ARHGEF28: variants seen among roughly 807,000 people sequenced by gnomAD.
ARHGEF28 encodes the protein Rho guanine nucleotide exchange factor 28.
Under a neutral mutation model 206.6 loss-of-function variants are expected in ARHGEF28, and 152 were observed. That is an observed-to-expected ratio of 0.74 (90% CI 0.64 to 0.84). The LOEUF is 0.84. ARHGEF28 is among the 40% of genes least tolerant of loss of function. ARHGEF28 has a pLI of 0.00. For missense variants in ARHGEF28, 2,028 were observed against 2,073.2 expected, an observed-to-expected ratio of 0.98 and a Z score of 0.42; for synonymous variants, 763 against 776.4, an observed-to-expected ratio of 0.98 and a Z score of 0.29.
chr5:73,648,911 C>T (rs1001738761), intron 1 of ARHGEF28, among the ~76,000 whole-genome samples: 16 of 152,282 alleles, frequency 1.1e-4, no homozygotes, highest in African/African-American at 3.9e-4. Context: ...GTTGGCCAAC[C>T]TCTGGGGAGT....
intron 10 of ARHGEF28, among the ~76,000 whole-genome samples, chr5:73,837,061 A>G (rs544226925): frequency 2.0e-4 from 31 of 152,234 alleles, no homozygotes; most frequent in Admixed American, 1.9e-3. Flanking sequence ...TTTGATTACC[A>G]TATCTTTGTA....
At chr5:73,810,469 C>T (rs1755778301) in intron 9 of ARHGEF28, among the ~76,000 whole-genome samples, 1 of 152,094 alleles carries the variant, frequency 6.6e-6, no homozygotes, top group South Asian at 2.1e-4. Context: ...TTTCATCTCT[C>T]TCTTTGTCTA....
intron 35 of ARHGEF28, among the ~76,000 whole-genome samples, chr5:73,920,545 G>GTTTTTT (rs756699052): frequency 2.0e-4 from 22 of 110,526 alleles, no homozygotes; most frequent in Non-Finnish European, 3.0e-4. Flanking sequence ...CGTCATCTAG[G>GTTTTTT]TTTTTTTTTT....
At chr5:73,661,268 G>A (rs1441678429) in intron 1 of ARHGEF28, among the ~76,000 whole-genome samples, 1 of 152,110 alleles carries the variant, frequency 6.6e-6, no homozygotes, top group South Asian at 2.1e-4. Context: ...TTCTTTTGCA[G>A]CTTCTTTACC....
At chr5:73,834,182 A>G (rs1483096102) in intron 10 of ARHGEF28, among the ~76,000 whole-genome samples, 1 of 152,216 alleles carries the variant, frequency 6.6e-6, no homozygotes, top group Non-Finnish European at 1.5e-5. Context: ...ATCATCTCAC[A>G]TATTTATTTT....
At chr5:73,639,376 CTT>C (rs1743931477) in intron 1 of ARHGEF28, among the ~76,000 whole-genome samples, 1 of 151,274 alleles carries the variant, frequency 6.6e-6, no homozygotes, top group African/African-American at 2.4e-5. Flanking sequence ...AGCTCAGTAA[CTT>C]GTGCAGCTGT....
Position 73,685,780 on chromosome 5 carries a change from G to A in ARHGEF28, c.33+896G>A, listed in dbSNP as rs143419243. On this transcript the variant is annotated intron_variant, in intron 2 of 35. Coordinates refer to ENST00000513042, the MANE Select transcript of ARHGEF28 (RefSeq NM_001177693.2). ...TGGGATTACAGGCACATGCCACCACGCCTGGCTAATTTTTTGTATTTTAGT... is the reference window on the plus strand; with the variant it reads ...TGGGATTACAGGCACATGCCACCACACCTGGCTAATTTTTTGTATTTTAGT... 7.4e-3 allele frequency among the ~76,000 whole-genome samples: 1,117 copies of A among 151,802 alleles called. 9 individuals carry two copies. Among genetic ancestry groups the A allele is most frequent in the African/African-American group, 0.025 (1,022 of 41,394 alleles).
intron 2 of ARHGEF28, among the ~76,000 whole-genome samples, chr5:73,710,835 T>A (rs948086296): frequency 7.4e-4 from 113 of 152,250 alleles, no homozygotes; most frequent in African/African-American, 2.4e-3. Context: ...CCCAAGTAGC[T>A]AGGACTACAG....
chr5:73,679,716 C>A (rs1028288541), intron 1 of ARHGEF28, among the ~76,000 whole-genome samples: 1 of 151,370 alleles, frequency 6.6e-6, no homozygotes, highest in East Asian at 1.9e-4. Context: ...GAAAGTATTA[C>A]TTTTTTCTTG....
chr5:73,925,321 C>T (rs191848832), intron 35 of ARHGEF28, among the ~76,000 whole-genome samples: 17 of 152,248 alleles, frequency 1.1e-4, no homozygotes, highest in East Asian at 3.9e-4. Context: ...TGGAAGGCTA[C>T]GCACCCCCAC....
chr5:73,699,627 G>A (rs556135045), intron 2 of ARHGEF28, among the ~76,000 whole-genome samples: 34 of 152,224 alleles, frequency 2.2e-4, no homozygotes, highest in African/African-American at 6.0e-4. Flanking sequence ...GAGCAGAGGC[G>A]TGCTGATGGG....
intron 1 of ARHGEF28, among the ~76,000 whole-genome samples, chr5:73,639,231 A>G (rs2112134480): frequency 6.8e-6 from 1 of 146,166 alleles, no homozygotes; most frequent in South Asian, 2.1e-4. Context: ...TCTATTACAT[A>G]TATATATATA....
intron 3 of ARHGEF28, among the ~76,000 whole-genome samples, chr5:73,751,196 G>T (rs775057800): frequency 5.3e-5 from 8 of 152,226 alleles, no homozygotes; most frequent in Non-Finnish European, 1.0e-4. Context: ...GATCACCTGA[G>T]GTCGGGAGTT....
chr5:73,743,942 T>C (rs576924885), intron 2 of ARHGEF28, among the ~76,000 whole-genome samples: 84 of 152,204 alleles, frequency 5.5e-4, no homozygotes, highest in African/African-American at 1.9e-3. Flanking sequence ...GGGGAGAAAA[T>C]GTACTGAGCC....
At chr5:73,900,880 G>A (rs1762226289) in intron 30 of ARHGEF28, 2 of 231,148 alleles carry the variant, frequency 8.7e-6, no homozygotes, top group Middle Eastern at 1.6e-3. Context: ...GTGAGATGTA[G>A]ATTCTACCCT....
chr5:73,694,432 A>G (rs1748052051), intron 2 of ARHGEF28, among the ~76,000 whole-genome samples: 1 of 152,200 alleles, frequency 6.6e-6, no homozygotes, highest in African/African-American at 2.4e-5. Flanking sequence ...CTGTATTTTT[A>G]ATAAAGAACT....
chr5:73,641,449 GTT>G (rs965622785), intron 1 of ARHGEF28, among the ~76,000 whole-genome samples: 1 of 144,904 alleles, frequency 6.9e-6, no homozygotes, highest in African/African-American at 2.6e-5. Flanking sequence ...TTGGAGTCAT[GTT>G]CATTTATAAC....
intron 9 of ARHGEF28, among the ~76,000 whole-genome samples, chr5:73,822,479 G>T (rs918061885): frequency 1.3e-5 from 2 of 152,168 alleles, no homozygotes; most frequent in African/African-American, 4.8e-5. Flanking sequence ...CTGGGCTGAG[G>T]ATAATTTTGG....
At chr5:73,882,421 G>A (rs1257503808) in intron 22 of ARHGEF28, 51 bp from the exon 23 acceptor site, 8 of 1,275,106 alleles carry the variant, frequency 6.3e-6, no homozygotes, top group Non-Finnish European at 4.2e-6. Context: ...TTTTTTGTGT[G>A]TTTAGAACTT....
Sources: allele counts gnomAD v4.1 joint callset (sites outside exome capture counted in the v4.1 genomes callset), GRCh38; gene constraint gnomAD v4.1.1; transcripts MANE v1.5; gene names NCBI Gene and HGNC (gene_info 2026-07-23, HGNC 2026-07-21).